Variants in ANKFN1 observed in about 807,000 individuals in gnomAD.
ANKFN1 encodes ankyrin repeat and fibronectin type III domain containing 1, also known as ankyrin repeat and fibronectin type-III domain-containing protein 1.
A neutral mutation model predicts 108.7 loss-of-function variants in ANKFN1; 74 were observed. The observed-to-expected ratio is 0.68, with a 90% CI of 0.56 to 0.83. The LOEUF (loss-of-function observed/expected upper bound fraction) is 0.83, where lower values mean the gene tolerates loss of function less well. Among genes scored for constraint, ANKFN1 ranks in the 40% least tolerant of loss-of-function variants. The pLI, the probability that ANKFN1 is intolerant of heterozygous loss-of-function variation, is 0.00. For synonymous variants in ANKFN1, 547 were observed against 516.2 expected (o/e 1.06, Z -0.81); for missense variants, 1,505 against 1,382.3 (o/e 1.09, Z -1.41).
Position 56,510,643 on chromosome 17 carries a change from G to C in ANKFN1, c.2815G>C (p.Val939Leu). Residue 939 changes from valine (V) to leucine (L), a missense_variant, in exon 21 of 21, where the codon GTC becomes CTC. Coordinates refer to ENST00000682825, the MANE Select transcript of ANKFN1 (RefSeq NM_001370326.1). ...CGGCCTAAGCGGCAGCGCCCCCGAC[G>C]TCCTGCAAGTGCACGACGTGAAAAC... is the stretch of plus-strand genomic sequence containing the variant. ...LSGLSGSAPD[V>L]LQVHDVKTPL... 1 of 1,536,144 alleles carries C rather than the reference G, an allele frequency of 6.5e-7. No homozygotes were observed. Among genetic ancestry groups the C allele is most frequent in the Non-Finnish European group, 8.7e-7 (1 of 1,146,908 alleles).
chr17:56,134,716 T>C (rs1190419196), intron 4 of ANKFN1, among the ~76,000 whole-genome samples: 1 of 152,146 alleles, frequency 6.6e-6, no homozygotes, highest in Non-Finnish European at 1.5e-5. Flanking sequence ...GAAAATCAAC[T>C]AATTAAGGAT....
intron 8 of ANKFN1, among the ~76,000 whole-genome samples, chr17:56,375,570 C>A (rs1309098186): frequency 6.6e-6 from 1 of 152,006 alleles, no homozygotes; most frequent in African/African-American, 2.4e-5. Context: ...CAGAGGTAGA[C>A]TTTTGAAAGA....
At chr17:56,121,168 C>T (rs1906595151) in intron 4 of ANKFN1, among the ~76,000 whole-genome samples, 1 of 151,762 alleles carries the variant, frequency 6.6e-6, no homozygotes, top group Non-Finnish European at 1.5e-5. Flanking sequence ...TGTCTTCCTG[C>T]TTCTTTTTAA....
At chr17:56,449,834 C>A (rs2049423532) in intron 11 of ANKFN1, among the ~76,000 whole-genome samples, 1 of 152,132 alleles carries the variant, frequency 6.6e-6, no homozygotes, top group South Asian at 2.1e-4. Context: ...TGAACTGTAA[C>A]CTCATCCTGA....
chr17:56,497,562 G>A (rs1447947421), intron 19 of ANKFN1, among the ~76,000 whole-genome samples: 3 of 152,112 alleles, frequency 2.0e-5, no homozygotes, highest in East Asian at 3.9e-4. Flanking sequence ...TAGGTTTTAA[G>A]TACAGATTAA....
chr17:56,450,746 A>T (rs926299588), intron 11 of ANKFN1, among the ~76,000 whole-genome samples: 14 of 152,204 alleles, frequency 9.2e-5, no homozygotes, highest in African/African-American at 3.4e-4. Flanking sequence ...TTGGAAATTC[A>T]TAAGCCACTG....
chr17:56,296,578 G>A (rs142910446), intron 3 of ANKFN1, among the ~76,000 whole-genome samples: 3,978 of 152,196 alleles, frequency 0.026, 87 homozygotes, highest in African/African-American at 0.056. Context: ...CAGCTACTTC[G>A]GAGGCTGAGG....
intron 3 of ANKFN1, among the ~76,000 whole-genome samples, chr17:56,317,068 T>A (rs1204547623): frequency 6.6e-6 from 1 of 152,168 alleles, no homozygotes; most frequent in African/African-American, 2.4e-5. Flanking sequence ...ATATGTCCAA[T>A]ACAAACCAAG....
intron 4 of ANKFN1, among the ~76,000 whole-genome samples, chr17:56,099,947 T>C (rs1905609007): frequency 6.6e-6 from 1 of 152,168 alleles, no homozygotes; most frequent in Non-Finnish European, 1.5e-5. Context: ...GGAAGATAGA[T>C]GAGAGAAATG....
intron 8 of ANKFN1, among the ~76,000 whole-genome samples, chr17:56,377,242 T>C (rs2046970186): frequency 6.6e-6 from 1 of 152,216 alleles, no homozygotes; most frequent in South Asian, 2.1e-4. Context: ...AATCCTTCTG[T>C]TTCTCATTTG....
chr17:56,377,147 G>A (rs79926473), intron 8 of ANKFN1, among the ~76,000 whole-genome samples: 8,164 of 152,254 alleles, frequency 0.054, 254 homozygotes, highest in Non-Finnish European at 0.06. Flanking sequence ...GAATTTCTGG[G>A]TTCAGCAAAA....
chr17:56,095,581 C>T (rs1362800351), intron 4 of ANKFN1, among the ~76,000 whole-genome samples: 1 of 141,374 alleles, frequency 7.1e-6, no homozygotes, highest in Non-Finnish European at 1.6e-5. Flanking sequence ...GGACTACAGG[C>T]AAGAGCCATC....
At position 56,498,949 on chromosome 17, in the gene ANKFN1, A is replaced by C. The variant is rs2051285362; in HGVS notation, c.2495A>C (p.Gln832Pro). ...MDALQYARYK[Q>P]PVSGLPITKL... Reference sequence around the variant, plus strand: ...GCTCTACAGTATGCAAGATACAAACAACCAGTTTCTGGCTTGCCCATCACT... The same window carrying C: ...GCTCTACAGTATGCAAGATACAAACCACCAGTTTCTGGCTTGCCCATCACT... Residue 832 changes from glutamine (Q) to proline (P), a missense_variant, in exon 20 of 21, where the codon CAA becomes CCA. Transcript: ENST00000682825. The C allele has an allele frequency of 2.6e-6, 4 of 1,535,768 alleles. No individual in the cohort carries two copies. The highest frequency in any genetic ancestry group is 3.5e-6 in the Non-Finnish European group (4 of 1,146,634).
At chr17:56,470,292 G>A (rs1263243313) in intron 15 of ANKFN1, among the ~76,000 whole-genome samples, 1 of 152,132 alleles carries the variant, frequency 6.6e-6, no homozygotes, top group Admixed American at 6.6e-5. Flanking sequence ...ATATTCTTTT[G>A]GGTATATACC....
chr17:56,183,946 T>C (rs1911934856), intron 1 of ANKFN1, among the ~76,000 whole-genome samples: 2 of 152,244 alleles, frequency 1.3e-5, no homozygotes, highest in African/African-American at 4.8e-5. Context: ...ATGATACATC[T>C]TGAATGGATA....
At chr17:56,456,677 A>G (rs887044077) in intron 11 of ANKFN1, among the ~76,000 whole-genome samples, 184 bp from the exon 12 acceptor site, 2 of 151,908 alleles carry the variant, frequency 1.3e-5, no homozygotes, top group Non-Finnish European at 2.9e-5. Context: ...ATTACCAGCG[A>G]GAGCCACCGT....
chr17:56,234,513 C>G (rs1216680729), intron 3 of ANKFN1, among the ~76,000 whole-genome samples: 1 of 152,020 alleles, frequency 6.6e-6, no homozygotes, highest in Non-Finnish European at 1.5e-5. Context: ...ACCCTCCACC[C>G]TCAAGTAGGT....
chr17:56,184,453 T>G (rs1024940896), intron 1 of ANKFN1, among the ~76,000 whole-genome samples: 31 of 152,208 alleles, frequency 2.0e-4, no homozygotes, highest in African/African-American at 7.5e-4. Context: ...GACCACAGTA[T>G]ATTGTGAATA....
intron 17 of ANKFN1, among the ~76,000 whole-genome samples, chr17:56,481,603 C>T (rs148782813): frequency 1.7e-3 from 264 of 152,142 alleles, no homozygotes; most frequent in Middle Eastern, 0.01. Context: ...GAGAGAGAAC[C>T]ATGAATTGGC....
Sources: gnomAD v4.1 joint callset for allele counts (sites outside exome capture counted in the v4.1 genomes callset) on GRCh38, gnomAD v4.1.1 for gene constraint, MANE v1.5 for transcripts, NCBI Gene and HGNC (gene_info 2026-07-23, HGNC 2026-07-21) for gene names.